FRYL: variants seen among roughly 807,000 people sequenced by gnomAD.
The protein encoded by FRYL is protein furry homolog-like.
FRYL carries 150 observed loss-of-function variants against 351.2 expected under a neutral mutation model. That is an observed-to-expected ratio of 0.43 (90% CI 0.37 to 0.49). FRYL has a LOEUF of 0.49. Ranked by LOEUF, FRYL falls within the 20% of genes least tolerant of loss-of-function variation. The pLI is 0.00. For missense variants in FRYL, 3,036 were observed against 3,619.3 expected (o/e 0.84, Z 4.13); for synonymous variants, 1,153 against 1,257.1 (o/e 0.92, Z 1.75).
intron 4 of FRYL, among the ~76,000 whole-genome samples, chr4:48,627,493 C>T (rs946564394): frequency 6.6e-6 from 1 of 152,102 alleles, no homozygotes; most frequent in African/African-American, 2.4e-5. Flanking sequence ...CAAATCCATA[C>T]TTCCTGAAAG....
At chr4:48,660,524 C>A (rs558777450) in intron 3 of FRYL, among the ~76,000 whole-genome samples, 2 of 152,290 alleles carry the variant, frequency 1.3e-5, no homozygotes, top group South Asian at 4.1e-4. Context: ...TAAGGGGGTG[C>A]CCACATGAAT....
chr4:48,551,373 T>A (rs1446891813), intron 37 of FRYL, 121 bp downstream of exon 37: 2 of 561,740 alleles, frequency 3.6e-6, no homozygotes, highest in Non-Finnish European at 6.0e-6. Flanking sequence ...GGAAATATAT[T>A]TTTTTCACTC....
intron 3 of FRYL, among the ~76,000 whole-genome samples, chr4:48,682,715 G>C (rs1764752514): frequency 6.6e-6 from 1 of 152,162 alleles, no homozygotes; most frequent in African/African-American, 2.4e-5. Flanking sequence ...AAACCACATT[G>C]AGACACCATC....
chr4:48,699,648 G>A (rs1363365867), intron 2 of FRYL, among the ~76,000 whole-genome samples: 2 of 152,030 alleles, frequency 1.3e-5, no homozygotes, highest in Non-Finnish European at 2.9e-5. Flanking sequence ...CTATTACAGG[G>A]AAAATGTGAC....
At chr4:48,618,204 A>G (rs936424237) in intron 7 of FRYL, 2 of 152,230 alleles carry the variant, frequency 1.3e-5, no homozygotes, top group African/African-American at 4.8e-5. Flanking sequence ...TATGAAATGC[A>G]TATATTAAAG....
At chr4:48,702,620 G>A (rs1019260951) in intron 2 of FRYL, among the ~76,000 whole-genome samples, 43 of 150,968 alleles carry the variant, frequency 2.8e-4, no homozygotes, top group African/African-American at 8.5e-4. Context: ...AAAATTAGCC[G>A]GGCATGGTGG....
At chr4:48,767,597 G>C (rs1775101864) in intron 1 of FRYL, among the ~76,000 whole-genome samples, 1 of 152,166 alleles carries the variant, frequency 6.6e-6, no homozygotes, top group African/African-American at 2.4e-5. Flanking sequence ...CTAATATATG[G>C]AATCTAAAAT....
intron 33 of FRYL, among the ~76,000 whole-genome samples, chr4:48,559,567 G>A (rs1423522368): frequency 3.5e-5 from 4 of 113,382 alleles, no homozygotes; most frequent in Non-Finnish European, 3.5e-5. Flanking sequence ...GTGTGGTGCC[G>A]CACACCTGTA....
intron 3 of FRYL, among the ~76,000 whole-genome samples, chr4:48,647,792 G>A (rs1756829169): frequency 6.6e-6 from 1 of 152,140 alleles, no homozygotes; most frequent in Non-Finnish European, 1.5e-5. Flanking sequence ...CAATGAGTTG[G>A]CTTTCTTAGG....
rs374279538 is a variant in FRYL, at chr4:48,549,460, C to T, written c.4784+13G>A. ...CTTGGTGCATATGTAAAAGGAATGA[C>T]GCTGTAGTCCACCTGTGAAGAGGTA... On this transcript the variant is annotated intron_variant, in intron 39 of 63. Coordinates refer to ENST00000358350, the MANE Select transcript of FRYL (RefSeq NM_015030.2). The surrounding 1 kb of genome is among the most constrained non-coding windows in gnomAD (Gnocchi z 4.2). 1.2e-5 allele frequency: 20 copies of T among 1,600,654 alleles called. No individual in the cohort carries two copies. Among genetic ancestry groups the T allele is most frequent in the African/African-American group, 2.7e-5 (2 of 74,620 alleles).
chr4:48,554,491 G>T (rs774431084), intron 35 of FRYL, among the ~76,000 whole-genome samples: 1 of 151,954 alleles, frequency 6.6e-6, no homozygotes, highest in Non-Finnish European at 1.5e-5. Context: ...GGTGCCTGCC[G>T]CCACACCCAG....
At chr4:48,664,143 C>A (rs147115523) in intron 3 of FRYL, among the ~76,000 whole-genome samples, 67 of 152,318 alleles carry the variant, frequency 4.4e-4, no homozygotes, top group African/African-American at 1.5e-3. Context: ...ATCCACTGGG[C>A]TCTTCCATTT....
At chr4:48,587,668 C>T (rs1172381642) in intron 18 of FRYL, among the ~76,000 whole-genome samples, 10 of 151,986 alleles carry the variant, frequency 6.6e-5, no homozygotes, top group African/African-American at 1.7e-4. Flanking sequence ...CTCAGCCTCC[C>T]GAGTAGCTGG....
Position 48,549,709 on chromosome 4 carries a change from T to G in FRYL, c.4634-86A>C. ...TCTAGTAAGATCCCAACTATTTATATAGTATTGGAAAGTGATAAAAAAAAT... is the reference window on the plus strand; with the variant it reads ...TCTAGTAAGATCCCAACTATTTATAGAGTATTGGAAAGTGATAAAAAAAAT... On this transcript the variant is annotated intron_variant, in intron 38 of 63. Coordinates refer to ENST00000358350, the MANE Select transcript of FRYL (RefSeq NM_015030.2). The surrounding 1 kb of genome is among the most constrained non-coding windows in gnomAD (Gnocchi z 4.2). 1 of 1,144,250 alleles carries G rather than the reference T, an allele frequency of 8.7e-7. No individual in the cohort carries two copies. Among genetic ancestry groups the G allele is most frequent in the Non-Finnish European group, 1.3e-6 (1 of 798,332 alleles). The allele number at this position is 1,144,250 out of a possible 1,614,324, so 70.9% of individuals were successfully genotyped here.
At chr4:48,700,284 A>T (rs1272475220) in intron 2 of FRYL, among the ~76,000 whole-genome samples, 3 of 152,214 alleles carry the variant, frequency 2.0e-5, no homozygotes, top group African/African-American at 7.2e-5. Context: ...ACTCACGTAG[A>T]ACTTAAAATG....
At chr4:48,614,721 C>A (rs867164609) in intron 7 of FRYL, among the ~76,000 whole-genome samples, 37 of 47,128 alleles carry the variant, frequency 7.9e-4, no homozygotes, top group Middle Eastern at 0.042. Flanking sequence ...GACTCCATCT[C>A]AAAAAAAAAA....
At position 48,553,284 on chromosome 4, in the gene FRYL, C is replaced by A; in HGVS notation, c.4366G>T (p.Val1456Phe). The A allele has an allele frequency of 6.2e-7, 1 of 1,613,566 alleles. No individual in the cohort carries two copies. Among genetic ancestry groups the A allele is most frequent in the Admixed American group, 1.7e-5 (1 of 60,004 alleles). Reference sequence around the variant, plus strand: ...TACGGGGGATTATCCATGTGAGTGACCCCTGAACTGACAGGATCGGTCAGC... The same window carrying A: ...TACGGGGGATTATCCATGTGAGTGAACCCTGAACTGACAGGATCGGTCAGC... ...LQLTDPVSSGVTHMDNPPYYR... is the reference protein window; with the variant it reads ...LQLTDPVSSGFTHMDNPPYYR... Residue 1456 changes from valine (V) to phenylalanine (F), a missense_variant, in exon 36 of 64, where the codon GTC becomes TTC. Coordinates refer to ENST00000358350, the MANE Select transcript of FRYL (RefSeq NM_015030.2).
chr4:48,747,167 C>CG (rs1553880431), intron 1 of FRYL, among the ~76,000 whole-genome samples: 1 of 150,864 alleles, frequency 6.6e-6, no homozygotes, highest in Non-Finnish European at 1.5e-5. Flanking sequence ...CCCTATCCCC[C>CG]CCCAAAAAAA....
chr4:48,769,943 G>A (rs998733690), intron 1 of FRYL, among the ~76,000 whole-genome samples: 1 of 152,184 alleles, frequency 6.6e-6, no homozygotes, highest in African/African-American at 2.4e-5. Context: ...TGAGCTTCAC[G>A]AGGGAGTTTC....
Sources: gnomAD v4.1 joint callset for allele counts (sites outside exome capture counted in the v4.1 genomes callset) on GRCh38, gnomAD v4.1.1 for gene constraint, Gnocchi (gnomAD v3.1) non-coding constraint, MANE v1.5 for transcripts, NCBI Gene and HGNC (gene_info 2026-07-23, HGNC 2026-07-21) for gene names.